Variants in IL1RAPL2 observed in about 807,000 individuals in gnomAD.
IL1RAPL2 encodes interleukin 1 receptor accessory protein like 2.
In IL1RAPL2, 3 loss-of-function variants were observed where a neutral mutation model predicts 44.1. The ratio of observed to expected loss-of-function variants is 0.07; its 90% CI spans 0.03 to 0.18. IL1RAPL2 has a LOEUF of 0.18. Among genes scored for constraint, IL1RAPL2 ranks in the 10% least tolerant of loss-of-function variants. The pLI is 1.00. For synonymous variants in IL1RAPL2, 181 were observed against 178.8 expected (o/e 1.01, Z -0.10); for missense variants, 391 against 496.4 (o/e 0.79, Z 2.02).
In IL1RAPL2 at chrX:104,793,506, TTGA is replaced by T. The variant is rs767602366; in HGVS notation, c.82+134517_82+134519del. Among the ~76,000 whole-genome samples, 422 of 112,320 alleles carry T rather than the reference TTGA, an allele frequency of 3.8e-3. 4 individuals are homozygous for T. Among genetic ancestry groups the T allele is most frequent in the African/African-American group, 0.013 (395 of 30,954 alleles). ...CAAAGTATACAAGCAATGTTTGTTG[TTGA>T]TGATGTGTTTTTCTCATGATAATTG... On this transcript the variant is annotated intron_variant, in intron 2 of 10. Coordinates refer to ENST00000372582, the MANE Select transcript of IL1RAPL2 (RefSeq NM_017416.2).
chrX:105,348,014 C>T (rs1158484439), intron 5 of IL1RAPL2, among the ~76,000 whole-genome samples: 1 of 112,031 alleles, frequency 8.9e-6, no homozygotes, highest in Non-Finnish European at 1.9e-5. Context: ...TGACTCATTT[C>T]ATCCAGTAAT....
chrX:104,731,178 C>T (rs1308396089), intron 2 of IL1RAPL2, among the ~76,000 whole-genome samples: 1 of 109,923 alleles, frequency 9.1e-6, no homozygotes, highest in Admixed American at 9.7e-5. Flanking sequence ...TGTCTGTTCA[C>T]TCTGATGGTA....
intron 3 of IL1RAPL2, among the ~76,000 whole-genome samples, chrX:105,233,209 G>A (rs1472596586): frequency 1.8e-5 from 2 of 110,874 alleles, no homozygotes; most frequent in Non-Finnish European, 3.8e-5. Context: ...GCTTGAACCC[G>A]GGAAGCAGAG....
intron 1 of IL1RAPL2, among the ~76,000 whole-genome samples, chrX:104,570,234 C>G (rs1928120083): frequency 8.9e-6 from 1 of 112,021 alleles, no homozygotes; most frequent in African/African-American, 3.2e-5. Context: ...TCCCTTGATC[C>G]TAGGTCAGAA....
rs1016272163 is a variant in IL1RAPL2, at chrX:105,480,981, G to A, written c.698-3332G>A. ...CCATAGCCTTATATCCCATTGAGAT[G>A]TGCTGGGTTAAGTGCCAGTTCATCT... On this transcript the variant is annotated intron_variant, in intron 5 of 10. Transcript: ENST00000372582. Among the ~76,000 whole-genome samples the A allele has an allele frequency of 2.7e-5, 3 of 112,045 alleles. No individual in the cohort carries two copies. The Admixed American group carries it at 2.9e-4, about 11-fold the overall frequency.
intron 2 of IL1RAPL2, among the ~76,000 whole-genome samples, chrX:104,899,212 G>A (rs1310402892): frequency 8.9e-6 from 1 of 111,887 alleles, no homozygotes; most frequent in African/African-American, 3.2e-5. Flanking sequence ...AAGCCCTTGA[G>A]AGAACTTGAA....
At chrX:105,753,761 C>T (rs1190786018) in intron 9 of IL1RAPL2, among the ~76,000 whole-genome samples, 2 of 112,076 alleles carry the variant, frequency 1.8e-5, no homozygotes, top group African/African-American at 6.5e-5. Context: ...TTTATGGAAG[C>T]CTTTTGCAGC....
chrX:105,178,612 A>G lies in IL1RAPL2; in HGVS notation c.83-16863A>G, dbSNP rs59727879. 7.3e-3 allele frequency among the ~76,000 whole-genome samples: 812 copies of G among 111,520 alleles called. 8 individuals are homozygous for G. The highest frequency in any genetic ancestry group is 0.025 in the African/African-American group (781 of 30,684). Reference sequence around the variant, plus strand: ...GCTGTATTAACTTACATTCCTACCAACGGTGTATAAGAGTTTCCTTTTCTC... The same window carrying G: ...GCTGTATTAACTTACATTCCTACCAGCGGTGTATAAGAGTTTCCTTTTCTC... On this transcript the variant is annotated intron_variant, in intron 2 of 10. Coordinates refer to ENST00000372582, the MANE Select transcript of IL1RAPL2 (RefSeq NM_017416.2).
intron 2 of IL1RAPL2, among the ~76,000 whole-genome samples, chrX:104,775,038 C>T (rs771030939): frequency 1.8e-5 from 2 of 112,255 alleles, no homozygotes; most frequent in African/African-American, 3.2e-5. Flanking sequence ...TAATGTGCAC[C>T]GAGTGTCAGC....
At chrX:104,681,542 G>A (rs763257330) in intron 2 of IL1RAPL2, among the ~76,000 whole-genome samples, 2 of 112,585 alleles carry the variant, frequency 1.8e-5, no homozygotes, top group Non-Finnish European at 3.8e-5. Context: ...AGGATAACCT[G>A]AAACAAATGA....
chrX:104,684,606 C>T (rs1016345175), intron 2 of IL1RAPL2, among the ~76,000 whole-genome samples: 5 of 112,145 alleles, frequency 4.5e-5, no homozygotes, highest in Non-Finnish European at 9.4e-5. Flanking sequence ...GAAGAGCTTG[C>T]GCTGTGGCTT....
At chrX:105,565,025 C>A (rs1374541148) in intron 6 of IL1RAPL2, among the ~76,000 whole-genome samples, 1 of 112,239 alleles carries the variant, frequency 8.9e-6, no homozygotes, top group African/African-American at 3.2e-5. Context: ...CCAGCTCCGT[C>A]ATTTGTATTC....
chrX:105,064,304 A>T (rs997181334), intron 2 of IL1RAPL2, among the ~76,000 whole-genome samples: 5 of 112,342 alleles, frequency 4.5e-5, no homozygotes, highest in African/African-American at 1.6e-4. Context: ...CAGGCAGAAA[A>T]GTCTCACCCA....
chrX:104,970,595 G>A (rs1466543992), intron 2 of IL1RAPL2, among the ~76,000 whole-genome samples: 1 of 111,905 alleles, frequency 8.9e-6, no homozygotes, highest in Non-Finnish European at 1.9e-5. Context: ...ATGGAAAGGG[G>A]CGCTAACTTC....
At chrX:104,959,610 T>C (rs12389309) in intron 2 of IL1RAPL2, among the ~76,000 whole-genome samples, 2,554 of 111,671 alleles carry the variant, frequency 0.023, 69 homozygotes, top group African/African-American at 0.08. Context: ...TACGTAATTA[T>C]TGAGGTTCTC....
chrX:105,324,819 G>T (rs1485255084), intron 5 of IL1RAPL2, among the ~76,000 whole-genome samples: 1 of 111,770 alleles, frequency 8.9e-6, no homozygotes, highest in African/African-American at 3.3e-5. Flanking sequence ...TAAAATGTCT[G>T]TGAAGGTGAC....
chrX:105,484,452 C>T, intron 6 of IL1RAPL2, 65 bp downstream of exon 6: 2 of 749,272 alleles, frequency 2.7e-6, no homozygotes, highest in Non-Finnish European at 4.2e-6. Flanking sequence ...GGGAAAATTG[C>T]ATGAACCAGG....
At chrX:104,859,422 C>T (rs866221594) in intron 2 of IL1RAPL2, among the ~76,000 whole-genome samples, 1 of 257 alleles carries the variant, frequency 3.9e-3, no homozygotes, top group Non-Finnish European at 5.2e-3. Context: ...GTAATCTTAC[C>T]GACTTAGTTC....
chrX:104,796,711 G>A (rs978289985), intron 2 of IL1RAPL2, among the ~76,000 whole-genome samples: 5 of 112,275 alleles, frequency 4.5e-5, no homozygotes, highest in African/African-American at 1.3e-4. Flanking sequence ...CTGGGTTAGG[G>A]TAAAGCCAGG....
Sources: allele counts gnomAD v4.1 joint callset (sites outside exome capture counted in the v4.1 genomes callset), GRCh38; gene constraint gnomAD v4.1.1; transcripts MANE v1.5; gene names NCBI Gene and HGNC (gene_info 2026-07-23, HGNC 2026-07-21).